The following OFD1 variants were observed in gnomAD, a reference collection of about 807,000 sequenced individuals.
The protein encoded by OFD1 is centriole and centriolar satellite protein OFD1.
Under a neutral mutation model 81.4 loss-of-function variants are expected in OFD1, and 12 were observed. The ratio of observed to expected loss-of-function variants is 0.15; its 90% CI spans 0.09 to 0.24. OFD1 has a LOEUF of 0.24. Ranked by LOEUF, OFD1 falls within the 10% of genes least tolerant of loss-of-function variation. The pLI, the probability that OFD1 is intolerant of heterozygous loss-of-function variation, is 1.00. For missense variants in OFD1, 685 were observed against 733.9 expected (o/e 0.93, Z 0.77); for synonymous variants, 256 against 263.7 (o/e 0.97, Z 0.28).
At chrX:13,747,460 G>T (rs1288580963) in intron 8 of OFD1, among the ~76,000 whole-genome samples, 2 of 111,879 alleles carry the variant, frequency 1.8e-5, no homozygotes, top group Non-Finnish European at 3.8e-5. Flanking sequence ...TTCAGTGAGG[G>T]TGGAAAGATG....
upstream of OFD1, among the ~76,000 whole-genome samples, chrX:13,730,288 C>T (rs1481468431): frequency 9.0e-6 from 1 of 110,853 alleles, no homozygotes; most frequent in Non-Finnish European, 1.9e-5. Context: ...CAAAAGAAGA[C>T]ATCTATGCAG....
At chrX:13,715,729 A>G in the OFD1 span, 1 of 821,956 alleles carries the variant, frequency 1.2e-6, no homozygotes, top group East Asian at 8.4e-5. Context: ...GGGATCCCTA[A>G]TAAAATCAGC....
At chrX:13,719,899 A>C in the OFD1 span, 3 of 1,201,912 alleles carry the variant, frequency 2.5e-6, no homozygotes, top group Non-Finnish European at 3.4e-6. Context: ...AGCTGGCAAA[A>C]ACTCCATTTC....
At chrX:13,769,456 A>C (rs1334134760), downstream of OFD1, 1 of 170,725 alleles carries the variant, frequency 5.9e-6, no homozygotes, top group Non-Finnish European at 1.1e-5. Context: ...TTCCTCTCCA[A>C]AGTTGGGCTG....
At chrX:13,722,088 G>A in the OFD1 span, 2 of 108,871 alleles carry the variant, frequency 1.8e-5, no homozygotes, top group South Asian at 7.9e-4. Context: ...GGGAAGGACA[G>A]GGAGTTGAAA....
In OFD1 at chrX:13,744,506, C is replaced by T; in HGVS notation, c.504C>T (p.Asn168=). The T allele has an allele frequency of 2.7e-6, 3 of 1,117,992 alleles. No individual in the cohort carries two copies. Among genetic ancestry groups the T allele is most frequent in the Non-Finnish European group, 3.7e-6 (3 of 810,386 alleles). 92.1% of individuals were successfully genotyped at this position (1,117,992 alleles called of 1,213,427 possible). The change falls in exon 6 of 23, where the codon AAC becomes AAT. Residue 168 remains asparagine (N), a synonymous_variant. Transcript: ENST00000340096. The stretch of plus-strand genomic sequence containing the variant: ...AAACTCAGACAAGTTCGACATTTAA[C>T]AGAGATTCTCTGGGTAATTATAGCC... ...NMETQTSSTF[N]RDSLAEKLQL... is the part of the protein sequence containing the mutation.
intron 8 of OFD1, among the ~76,000 whole-genome samples, chrX:13,747,923 C>T (rs768154955): frequency 9.0e-6 from 1 of 111,392 alleles, no homozygotes; most frequent in South Asian, 3.8e-4. Flanking sequence ...ATTGGATCTA[C>T]TCCTTTAAAT....
chrX:13,723,352 G>A, the OFD1 span, among the ~76,000 whole-genome samples: 4 of 108,993 alleles, frequency 3.7e-5, no homozygotes, highest in Non-Finnish European at 7.6e-5. Context: ...ATTTTTAGTA[G>A]AGACGGGGAT....
rs750180193 is a variant in OFD1 at position 13,739,098 on chromosome X, G to A, written c.412+66G>A. On this transcript the variant is annotated intron_variant, in intron 5 of 22. Coordinates refer to ENST00000340096, the MANE Select transcript of OFD1 (RefSeq NM_003611.3). Reference sequence around the variant, plus strand: ...TATGTACTTTTTCCTCTAAAAGAATGAAGCAAATTTTTAGGGAGAAGAGTA... The same window carrying A: ...TATGTACTTTTTCCTCTAAAAGAATAAAGCAAATTTTTAGGGAGAAGAGTA... The A allele has an allele frequency of 1.1e-5, 11 of 984,282 alleles. No homozygotes were observed. In the African/African-American group the frequency reaches 1.9e-4, roughly 17 times the overall value. The allele number at this position is 984,282 out of a possible 1,213,427, so 81.1% of individuals were successfully genotyped here.
At chrX:13,766,676 T>TG (rs2048142202) in intron 19 of OFD1, among the ~76,000 whole-genome samples, 2 of 110,663 alleles carry the variant, frequency 1.8e-5, no homozygotes, top group African/African-American at 6.6e-5. Context: ...TCTGTTTTGT[T>TG]GGGGTAGGAC....
At chrX:13,741,581 C>A (rs1460776534) in intron 5 of OFD1, among the ~76,000 whole-genome samples, 3 of 111,619 alleles carry the variant, frequency 2.7e-5, no homozygotes, top group Non-Finnish European at 1.9e-5. Context: ...TTATGCGTGT[C>A]TGTGTGAAGA....
intron 19 of OFD1, among the ~76,000 whole-genome samples, chrX:13,765,523 TG>T (rs2048092521): frequency 1.8e-5 from 2 of 111,087 alleles, no homozygotes; most frequent in South Asian, 7.6e-4. Flanking sequence ...TCAGAAGAGA[TG>T]GGGGAGAGAG....
chrX:13,761,062 C>T (rs1193514448), intron 16 of OFD1, 23 bp from the exon 17 acceptor site: 3 of 1,210,319 alleles, frequency 2.5e-6, no homozygotes, highest in East Asian at 5.9e-5. Flanking sequence ...AATATTCTTG[C>T]CTTGGTTCTT....
the OFD1 span, chrX:13,721,023 T>C: frequency 1.8e-5 from 1 of 56,473 alleles, no homozygotes; most frequent in Non-Finnish European, 3.2e-5. Flanking sequence ...TGAGACCCTG[T>C]CTCAAAAAAA....
At chrX:13,729,243 A>G in the OFD1 span, among the ~76,000 whole-genome samples, 3 of 112,055 alleles carry the variant, frequency 2.7e-5, no homozygotes, top group Non-Finnish European at 5.6e-5. Context: ...AATTGAAAAA[A>G]ACTACTTTAA....
chrX:13,737,646 G>A (rs981949040), intron 3 of OFD1, among the ~76,000 whole-genome samples: 1 of 109,956 alleles, frequency 9.1e-6, no homozygotes, highest in African/African-American at 3.3e-5. Flanking sequence ...GTGACAGAGC[G>A]AGACTGTCTC....
At chrX:13,758,928 C>A (rs2047818617) in intron 15 of OFD1, among the ~76,000 whole-genome samples, 1 of 111,134 alleles carries the variant, frequency 9.0e-6, no homozygotes, top group South Asian at 3.8e-4. Flanking sequence ...CTTCCTTGGG[C>A]CTCAGTCTCC....
intron 6 of OFD1, among the ~76,000 whole-genome samples, chrX:13,745,336 GT>G (rs2047252771): frequency 8.9e-6 from 1 of 112,221 alleles, no homozygotes; most frequent in Non-Finnish European, 1.9e-5. Context: ...GGTGAAATTT[GT>G]TTTAATAATA....
At chrX:13,735,142 T>A (rs1409282164) in intron 1 of OFD1, 59 bp downstream of exon 1, 9 of 1,206,842 alleles carry the variant, frequency 7.5e-6, no homozygotes, top group Non-Finnish European at 1.0e-5. Flanking sequence ...TTCGTTAAAC[T>A]TTCGCCGCTA....
Sources: gnomAD v4.1 joint callset for allele counts (sites outside exome capture counted in the v4.1 genomes callset) on GRCh38, gnomAD v4.1.1 for gene constraint, MANE v1.5 for transcripts, NCBI Gene and HGNC (gene_info 2026-07-23, HGNC 2026-07-21) for gene names.